DLC1: variants seen among roughly 807,000 people sequenced by gnomAD.
DLC1 encodes DLC1 Rho GTPase activating protein, also known as rho GTPase-activating protein 7.
In DLC1, 54 loss-of-function variants were observed where a neutral mutation model predicts 140.3. That is an observed-to-expected ratio of 0.38 (90% CI 0.31 to 0.48). The LOEUF (loss-of-function observed/expected upper bound fraction) is 0.48. Among genes scored for constraint, DLC1 ranks in the 20% least tolerant of loss-of-function variants. DLC1 has a pLI of 0.96. For missense variants in DLC1, 2,536 were observed against 1,907.0 expected (o/e 1.33, Z -6.14); for synonymous variants, 986 against 728.1 (o/e 1.35, Z -5.70).
chr8:13,421,305 G>T (rs566099435), intron 2 of DLC1, among the ~76,000 whole-genome samples: 1 of 152,100 alleles, frequency 6.6e-6, no homozygotes, highest in African/African-American at 2.4e-5. Context: ...GAAAAGACTG[G>T]GCTGATGTGT....
At chr8:13,364,219 C>G (rs1200969883) in intron 4 of DLC1, among the ~76,000 whole-genome samples, 1 of 152,126 alleles carries the variant, frequency 6.6e-6, no homozygotes, top group Non-Finnish European at 1.5e-5. Flanking sequence ...CATCACCTTC[C>G]TCTTCAGATC....
At chr8:13,155,637 A>G (rs1027400448) in intron 5 of DLC1, among the ~76,000 whole-genome samples, 1 of 152,134 alleles carries the variant, frequency 6.6e-6, no homozygotes, top group East Asian at 1.9e-4. Context: ...TGTTTGCTAT[A>G]TTAAGTTGCA....
chr8:13,214,311 T>C (rs1360748429), intron 5 of DLC1: 1 of 241,300 alleles, frequency 4.1e-6, no homozygotes, highest in Admixed American at 5.0e-5. Context: ...AAATGACCAA[T>C]TTAGCATCCT....
At chr8:13,136,647 A>T (rs538077639) in intron 5 of DLC1, among the ~76,000 whole-genome samples, 1 of 152,250 alleles carries the variant, frequency 6.6e-6, no homozygotes, top group South Asian at 2.1e-4. Context: ...CGATCCTCTC[A>T]CCTTAGCCTC....
chr8:13,280,388 A>G (rs1464291824), intron 5 of DLC1, among the ~76,000 whole-genome samples: 1 of 151,518 alleles, frequency 6.6e-6, no homozygotes, highest in Non-Finnish European at 1.5e-5. Flanking sequence ...AGTTTCAGCC[A>G]TTGGTGGAGG....
chr8:13,393,658 G>C lies in DLC1; in HGVS notation c.1209C>G (p.Thr403=). The C allele has an allele frequency of 1.2e-6, 2 of 1,614,006 alleles. No individual in the cohort carries two copies. The highest frequency in any genetic ancestry group is 1.7e-6 in the Non-Finnish European group (2 of 1,179,986). Residue 403 remains threonine, a synonymous_variant, in exon 4 of 18, where the codon ACC becomes ACG. Transcript: ENST00000276297. ...LESGSESGAD[T]ISVNQTRVNL... ...TTACTCGTGTCTGATTTACTGAAAT[G>C]GTATCTGCTCCACTTTCAGATCCTG... is the stretch of plus-strand genomic sequence containing the variant.
chr8:13,359,659 C>G (rs1466231427), intron 4 of DLC1, among the ~76,000 whole-genome samples: 1 of 152,160 alleles, frequency 6.6e-6, no homozygotes, highest in African/African-American at 2.4e-5. Flanking sequence ...CTTCCAGTTA[C>G]TGAAGAAATC....
chr8:13,158,251 C>T (rs1387889453), intron 5 of DLC1, among the ~76,000 whole-genome samples: 1 of 152,158 alleles, frequency 6.6e-6, no homozygotes, highest in Non-Finnish European at 1.5e-5. Flanking sequence ...GTTAAGTGTA[C>T]ACTTATTTAT....
At chr8:13,268,950 C>T (rs1054601056) in intron 5 of DLC1, among the ~76,000 whole-genome samples, 2 of 149,292 alleles carry the variant, frequency 1.3e-5, no homozygotes, top group African/African-American at 5.0e-5. Flanking sequence ...TCTCGGCTCA[C>T]TGCAAGCTCC....
chr8:13,151,125 G>T (rs760548292), intron 5 of DLC1, among the ~76,000 whole-genome samples: 2 of 152,112 alleles, frequency 1.3e-5, no homozygotes, highest in Non-Finnish European at 2.9e-5. Flanking sequence ...TATAAAACAC[G>T]GGTAAAGATC....
At chr8:13,304,669 G>A (rs1832343032) in intron 5 of DLC1, 1 of 945,668 alleles carries the variant, frequency 1.1e-6, no homozygotes, top group Admixed American at 6.2e-5. Context: ...ACATAAGATA[G>A]TATGATTTTT....
intron 4 of DLC1, 78 bp downstream of exon 4, chr8:13,393,475 A>G (rs1586265248): frequency 2.8e-6 from 4 of 1,437,060 alleles, no homozygotes; most frequent in East Asian, 2.3e-5. Context: ...TTTCTTCTAT[A>G]TCGAATGAAT....
At chr8:13,170,130 A>C (rs150699282) in intron 5 of DLC1, among the ~76,000 whole-genome samples, 78 of 152,352 alleles carry the variant, frequency 5.1e-4, no homozygotes, top group African/African-American at 1.9e-3. Context: ...TATTTAGCAT[A>C]TAATTTTTTG....
chr8:13,370,953 T>C (rs570014777), intron 4 of DLC1, among the ~76,000 whole-genome samples: 1 of 152,278 alleles, frequency 6.6e-6, no homozygotes, highest in African/African-American at 2.4e-5. Context: ...CTGCAGTGTT[T>C]AATGGCTCTG....
At chr8:13,086,091 C>T (rs944961499) in intron 17 of DLC1, 160 bp from the exon 18 acceptor site, 3 of 1,370,864 alleles carry the variant, frequency 2.2e-6, no homozygotes, top group Middle Eastern at 5.1e-4. Flanking sequence ...GCTTTAGAAC[C>T]ACATTTTCTA....
chr8:13,104,368 A>C (rs1193214295), intron 7 of DLC1, among the ~76,000 whole-genome samples: 2 of 146,368 alleles, frequency 1.4e-5, no homozygotes, highest in African/African-American at 4.9e-5. Context: ...AAAAAAACCC[A>C]AAACCTCATG....
At chr8:13,326,401 A>G (rs559804416) in intron 4 of DLC1, among the ~76,000 whole-genome samples, 4 of 152,226 alleles carry the variant, frequency 2.6e-5, no homozygotes, top group Non-Finnish European at 5.9e-5. Context: ...GGCTGACCAA[A>G]AAGAATACAT....
intron 5 of DLC1, among the ~76,000 whole-genome samples, chr8:13,220,583 C>G (rs927673743): frequency 1.3e-5 from 2 of 152,088 alleles, no homozygotes; most frequent in South Asian, 4.1e-4. Flanking sequence ...ATACTATTTT[C>G]CTGTGCCTTT....
In DLC1 at chr8:13,267,537, A is replaced by C. The variant is rs533141997; in HGVS notation, c.1348+37732T>G. Among the ~76,000 whole-genome samples, 162 of 152,312 alleles carry C rather than the reference A, an allele frequency of 1.1e-3. 1 individual carries two copies. The South Asian group carries it at 0.032, about 30-fold the overall frequency. ...AGTCAGTAATTTGAGAATTGTCTACAAAAAGCTAAATATGTCACCAAAAAT... is the reference window on the plus strand; with the variant it reads ...AGTCAGTAATTTGAGAATTGTCTACCAAAAGCTAAATATGTCACCAAAAAT... On this transcript the variant is annotated intron_variant, in intron 5 of 17. Transcript: ENST00000276297.
Sources: gnomAD v4.1 joint callset for allele counts (sites outside exome capture counted in the v4.1 genomes callset) on GRCh38, gnomAD v4.1.1 for gene constraint, MANE v1.5 for transcripts, NCBI Gene and HGNC (gene_info 2026-07-23, HGNC 2026-07-21) for gene names.